The following EEA1 variants were observed in gnomAD, a reference collection of about 807,000 sequenced individuals.
The protein encoded by EEA1 is early endosome antigen 1.
A neutral mutation model predicts 209.2 loss-of-function variants in EEA1; 111 were observed. That is an observed-to-expected ratio of 0.53 (90% CI 0.45 to 0.62). The LOEUF (loss-of-function observed/expected upper bound fraction) is 0.62. EEA1 is among the 20% of genes least tolerant of loss of function. EEA1 has a pLI of 0.00. For missense variants in EEA1, 1,343 were observed against 1,530.8 expected (o/e 0.88, Z 2.05); for synonymous variants, 536 against 540.6 (o/e 0.99, Z 0.12).
intron 14 of EEA1, among the ~76,000 whole-genome samples, chr12:92,818,752 G>T (rs1875912969): frequency 6.6e-6 from 1 of 151,846 alleles, no homozygotes; most frequent in African/African-American, 2.4e-5. Flanking sequence ...TTTTTTGTTT[G>T]AAAATGTATT....
intron 2 of EEA1, chr12:92,884,340 C>T: frequency 1.6e-6 from 2 of 1,276,088 alleles, no homozygotes; most frequent in South Asian, 2.4e-5. Flanking sequence ...AGGGCTTTAT[C>T]CAGCCAAAGA....
intron 3 of EEA1, among the ~76,000 whole-genome samples, chr12:92,862,586 T>TA (rs568487009): frequency 1.7e-4 from 24 of 144,454 alleles, no homozygotes; most frequent in Admixed American, 2.8e-4. Context: ...ATCCTATCTC[T>TA]AAAAAAAAAA....
intron 2 of EEA1, among the ~76,000 whole-genome samples, chr12:92,870,076 T>C (rs1175706030): frequency 6.6e-6 from 1 of 152,176 alleles, no homozygotes; most frequent in African/African-American, 2.4e-5. Flanking sequence ...AATTAGCCAC[T>C]GCACTTTTTG....
At chr12:92,864,767 G>A in intron 3 of EEA1, 93 bp downstream of exon 3, 3 of 1,197,262 alleles carry the variant, frequency 2.5e-6, no homozygotes, top group Non-Finnish European at 2.3e-6. Context: ...AATACAAAAA[G>A]GTTACTATTT....
intron 11 of EEA1, among the ~76,000 whole-genome samples, chr12:92,831,671 ATTC>A (rs1369804965): frequency 2.0e-5 from 3 of 147,966 alleles, no homozygotes; most frequent in African/African-American, 7.4e-5. Context: ...TATATATATA[ATTC>A]ATATATTATT....
At chr12:92,927,362 G>A (rs957970248) in intron 1 of EEA1, among the ~76,000 whole-genome samples, 1 of 152,188 alleles carries the variant, frequency 6.6e-6, no homozygotes, top group African/African-American at 2.4e-5. Context: ...ATTCAGAAGT[G>A]ATGATTCAAT....
intron 22 of EEA1, among the ~76,000 whole-genome samples, chr12:92,784,770 T>C (rs1326052205): frequency 6.6e-6 from 1 of 152,216 alleles, no homozygotes; most frequent in Non-Finnish European, 1.5e-5. Flanking sequence ...TTGCAGATTA[T>C]AATAATATTG....
At chr12:92,881,220 A>G (rs2136742679) in intron 2 of EEA1, among the ~76,000 whole-genome samples, 1 of 152,212 alleles carries the variant, frequency 6.6e-6, no homozygotes, top group South Asian at 2.1e-4. Context: ...CCTGGGCAAC[A>G]TGGCAAGACC....
intron 2 of EEA1, among the ~76,000 whole-genome samples, chr12:92,881,370 C>T (rs906414927): frequency 1.3e-5 from 2 of 151,658 alleles, no homozygotes; most frequent in Non-Finnish European, 2.9e-5. Flanking sequence ...GATCACACCA[C>T]CACAATCAGC....
intron 17 of EEA1, 26 bp from the exon 18 acceptor site, chr12:92,809,182 C>T (rs773120132): frequency 2.6e-6 from 4 of 1,510,696 alleles, no homozygotes; most frequent in African/African-American, 1.4e-5. Context: ...GATATGGCAG[C>T]CATTTTAATA....
intron 2 of EEA1, among the ~76,000 whole-genome samples, chr12:92,888,504 G>A (rs549090692): frequency 1.1e-4 from 17 of 151,864 alleles, no homozygotes; most frequent in Non-Finnish European, 2.4e-4. Flanking sequence ...GTGAACCCGG[G>A]AGGCAGAGCT....
At chr12:92,809,883 G>C (rs977030606) in intron 17 of EEA1, among the ~76,000 whole-genome samples, 1 of 152,092 alleles carries the variant, frequency 6.6e-6, no homozygotes, top group Admixed American at 6.6e-5. Flanking sequence ...GTAATTATAA[G>C]ATATTTAAAA....
At position 92,928,162 on chromosome 12, in the gene EEA1, C is replaced by CAA. The variant is rs375294585; in HGVS notation, c.24+879_24+880dup. ...CAAAAAGAAAAGAAAAAAGCTATAC[C>CAA]AAAAAAAAAAAACAAATTTAAGTTG... On this transcript the variant is annotated intron_variant, in intron 1 of 28. Coordinates refer to ENST00000322349, the MANE Select transcript of EEA1 (RefSeq NM_003566.4). 7.9e-3 allele frequency among the ~76,000 whole-genome samples: 1,097 copies of CAA among 139,310 alleles called. 13 individuals are homozygous for CAA. Among genetic ancestry groups the CAA allele is most frequent in the African/African-American group, 0.025 (954 of 38,748 alleles). The allele number at this position is 139,310 out of a possible 152,430, so 91.4% of individuals were successfully genotyped here.
intron 15 of EEA1, among the ~76,000 whole-genome samples, chr12:92,813,990 C>T (rs543994484): frequency 5.9e-4 from 89 of 150,620 alleles, no homozygotes; most frequent in Middle Eastern, 3.4e-3. Flanking sequence ...TCCAGCCTGG[C>T]GACAGAGCAA....
chr12:92,836,316 G>C (rs1466230033), intron 10 of EEA1, among the ~76,000 whole-genome samples: 1 of 152,110 alleles, frequency 6.6e-6, no homozygotes, highest in African/African-American at 2.4e-5. Flanking sequence ...ATTATCATTT[G>C]AGTAAGCAAA....
intron 9 of EEA1, 119 bp from the exon 10 acceptor site, chr12:92,842,700 T>G: frequency 1.5e-6 from 1 of 662,986 alleles, no homozygotes; most frequent in East Asian, 3.1e-5. Context: ...TTTTCAATTT[T>G]GTTCTTTATC....
chr12:92,861,842 T>G (rs1423419306), intron 3 of EEA1, among the ~76,000 whole-genome samples: 1 of 151,988 alleles, frequency 6.6e-6, no homozygotes, highest in African/African-American at 2.4e-5. Flanking sequence ...CGTAAGAAAT[T>G]GATGAAAAAA....
rs1000244806 is a variant in EEA1, at chr12:92,773,299, A to G, written c.*2712T>C. 1 of 152,228 alleles carries G rather than the reference A, an allele frequency of 6.6e-6. No homozygotes were observed. The allele number at this position is 152,228 out of a possible 1,614,324, so 9.4% of individuals were successfully genotyped here. A position where few individuals can be genotyped will look rare whatever the true frequency, so the allele number is the denominator to read the frequency against. ...TCTCAAAACTATATAAAATAATCAT[A>G]AAGACTTTTTTAAGAGAGATGGGAA... On this transcript the variant is annotated 3_prime_UTR_variant, in exon 29 of 29. Coordinates refer to ENST00000322349, the MANE Select transcript of EEA1 (RefSeq NM_003566.4).
At chr12:92,921,883 AAAAGAAAAAAAGAAAAGAAAGCTAT>A (rs2136788608) in intron 1 of EEA1, among the ~76,000 whole-genome samples, 1 of 146,254 alleles carries the variant, frequency 6.8e-6, no homozygotes, top group East Asian at 2.1e-4. Context: ...AAAAAAAAAA[AAAAGAAAAAAAGAAAAGAAAGCTAT>A]TAGAAGATGG....
Sources: allele counts gnomAD v4.1 joint callset (sites outside exome capture counted in the v4.1 genomes callset), GRCh38; gene constraint gnomAD v4.1.1; transcripts MANE v1.5; gene names NCBI Gene and HGNC (gene_info 2026-07-23, HGNC 2026-07-21).